GLYATL1: variants seen among roughly 807,000 people sequenced by gnomAD.
GLYATL1 encodes glycine-N-acyltransferase like 1.
In GLYATL1, 15 loss-of-function variants were observed where a neutral mutation model predicts 20.0. That is an observed-to-expected ratio of 0.75 (90% confidence interval 0.50 to 1.15). The LOEUF (loss-of-function observed/expected upper bound fraction) is 1.15, where lower values mean the gene tolerates loss of function less well. Ranked by LOEUF, GLYATL1 falls within the 50% of genes most tolerant of loss-of-function variation. The pLI, the probability that GLYATL1 is intolerant of heterozygous loss-of-function variation, is 0.00. For missense variants in GLYATL1, 380 were observed against 368.5 expected, an observed-to-expected ratio of 1.03 and a Z score of -0.26; for synonymous variants, 151 against 131.5, an observed-to-expected ratio of 1.15 and a Z score of -1.01.
chr11:58,943,664 T>C lies in GLYATL1; in HGVS notation c.-45T>C. On this transcript the variant is annotated splice_region_variant and 5_prime_UTR_variant, in exon 2 of 7. Transcript: ENST00000532726. ...GATCTCTCAGAGTGGCTGAGGATAATAGGTAAGCTCCCTCTCGCATTTTGG... is the reference window on the plus strand; with the variant it reads ...GATCTCTCAGAGTGGCTGAGGATAACAGGTAAGCTCCCTCTCGCATTTTGG... 2 of 1,612,974 alleles carry C rather than the reference T, an allele frequency of 1.2e-6. No homozygotes were observed. Among genetic ancestry groups the C allele is most frequent in the South Asian group, 2.2e-5 (2 of 90,858 alleles).
At chr11:58,948,003 T>C (rs1183558292) in intron 4 of GLYATL1, 38 bp downstream of exon 4, 4 of 1,387,062 alleles carry the variant, frequency 2.9e-6, no homozygotes, top group African/African-American at 1.4e-5. Context: ...GCCAGGCAGG[T>C]CCACAGGGCC....
upstream of GLYATL1, among the ~76,000 whole-genome samples, chr11:58,923,038 G>A (rs1855345698): frequency 1.3e-5 from 2 of 152,188 alleles, no homozygotes; most frequent in Non-Finnish European, 1.5e-5. Flanking sequence ...ATTTTTTAAC[G>A]TGCATTCTAA....
At chr11:58,917,089 C>T (rs1855191993) in intron 1 of GLYATL1, 1 of 152,170 alleles carries the variant, frequency 6.6e-6, no homozygotes, top group Non-Finnish European at 1.5e-5. Context: ...GCCTCTGATC[C>T]TTTTGTTACT....
chr11:58,947,489 C>T, intron 3 of GLYATL1: 1 of 458,094 alleles, frequency 2.2e-6, no homozygotes, highest in Non-Finnish European at 3.9e-6. Flanking sequence ...GTTTCTTTCC[C>T]TTTCTCTGAC....
At chr11:58,941,222 G>T (rs1478487013) in intron 1 of GLYATL1, among the ~76,000 whole-genome samples, 1 of 121,912 alleles carries the variant, frequency 8.2e-6, no homozygotes, top group Non-Finnish European at 1.6e-5. Context: ...CCCAGAGTGT[G>T]ATGTTCCCCT....
intron 1 of GLYATL1, chr11:58,943,239 A>G: frequency 6.7e-7 from 1 of 1,499,314 alleles, no homozygotes; most frequent in Non-Finnish European, 8.8e-7. Context: ...TGCACCTGTA[A>G]CAATACTCCA....
In GLYATL1 at chr11:58,955,822, T is replaced by A; in HGVS notation, c.704T>A (p.Met235Lys). 1 of 1,614,154 alleles carries A rather than the reference T, an allele frequency of 6.2e-7. No individual in the cohort carries two copies. Among genetic ancestry groups the A allele is most frequent in the South Asian group, 1.1e-5 (1 of 91,084 alleles). The change falls in exon 7 of 7, where the codon ATG (methionine) becomes AAG (lysine). Residue 235 changes from methionine (M) to lysine (K), a missense_variant. Met to Lys is a moderately conservative substitution (Grantham distance 95, BLOSUM62 -1). Coordinates refer to ENST00000532726, the MANE Select transcript of GLYATL1 (RefSeq NM_001389712.2). The stretch of plus-strand genomic sequence containing the variant: ...TGTGAAGTAGGAATGGCCTACAGCA[T>A]GGAAAAATACCGAAGGACAGGCAAC... Reference protein sequence around the residue: ...PSCEVGMAYSMEKYRRTGNMA... With the variant: ...PSCEVGMAYSKEKYRRTGNMA...
At chr11:58,953,341 T>C (rs1256001648) in intron 4 of GLYATL1, among the ~76,000 whole-genome samples, 1 of 151,932 alleles carries the variant, frequency 6.6e-6, no homozygotes, top group Non-Finnish European at 1.5e-5. Flanking sequence ...TAGAAGTCTT[T>C]TGTTCTTTTC....
At chr11:58,925,978 A>C (rs373455758), upstream of GLYATL1, among the ~76,000 whole-genome samples, 1 of 152,228 alleles carries the variant, frequency 6.6e-6, no homozygotes, top group East Asian at 1.9e-4. Flanking sequence ...TATAAATGCA[A>C]AAGTTAAAAG....
At chr11:58,937,123 G>T (rs1358309699), upstream of GLYATL1, among the ~76,000 whole-genome samples, 1 of 152,060 alleles carries the variant, frequency 6.6e-6, no homozygotes, top group Non-Finnish European at 1.5e-5. Context: ...TCTGTGTCTT[G>T]CCACCAGCCA....
intron 3 of GLYATL1, 76 bp downstream of exon 3, chr11:58,947,241 G>A: frequency 9.1e-6 from 14 of 1,534,954 alleles, no homozygotes; most frequent in Admixed American, 2.0e-5. Flanking sequence ...TGTGATTCTA[G>A]TCCTTCCTGA....
At chr11:58,947,718 A>G (rs1320594331) in intron 3 of GLYATL1, 140 bp from the exon 4 acceptor site, 1 of 654,208 alleles carries the variant, frequency 1.5e-6, no homozygotes, top group Non-Finnish European at 2.8e-6. Context: ...GGTCCTCTCC[A>G]GGACCATACT....
chr11:58,941,644 A>G (rs914576212), intron 1 of GLYATL1, among the ~76,000 whole-genome samples: 6 of 152,202 alleles, frequency 3.9e-5, no homozygotes, highest in African/African-American at 1.4e-4. Flanking sequence ...GAAGACTTAA[A>G]GAAGGTAATA....
intron 1 of GLYATL1, chr11:58,933,855 G>C (rs1202021194): frequency 6.6e-6 from 1 of 152,444 alleles, no homozygotes; most frequent in Non-Finnish European, 1.5e-5. Flanking sequence ...GGCTGGCCTG[G>C]TGCCTGTGTT....
Position 58,947,156 on chromosome 11 carries a change from G to A in GLYATL1, c.69G>A (p.Glu23=). 6.2e-7 allele frequency: 1 copy of A among 1,613,036 alleles called. No individual in the cohort carries two copies. Among genetic ancestry groups the A allele is most frequent in the Non-Finnish European group, 8.5e-7 (1 of 1,179,088 alleles). Reference sequence around the variant, plus strand: ...AATCCTTGGCCAGGAGCATCCCTGAGTCCCTGAAGGTCAGGGAACAGTGGG... The same window carrying A: ...AATCCTTGGCCAGGAGCATCCCTGAATCCCTGAAGGTCAGGGAACAGTGGG... The part of the protein sequence containing the change: ...LYKSLARSIP[E]SLKVYGSVYH... Residue 23 remains glutamate (E), a synonymous_variant, in exon 3 of 7, where the codon GAG becomes GAA. Coordinates refer to ENST00000532726, the MANE Select transcript of GLYATL1 (RefSeq NM_001389712.2).
chr11:58,941,509 G>T (rs568726666), intron 1 of GLYATL1, among the ~76,000 whole-genome samples: 1 of 152,114 alleles, frequency 6.6e-6, no homozygotes, highest in African/African-American at 2.4e-5. Context: ...ACATACGTGT[G>T]CATGTGTCTT....
intron 1 of GLYATL1, among the ~76,000 whole-genome samples, chr11:58,922,490 C>A (rs1855333050): frequency 6.6e-6 from 1 of 152,148 alleles, no homozygotes; most frequent in African/African-American, 2.4e-5. Flanking sequence ...GCAGCCAGAC[C>A]AGAGATGGCC....
chr11:58,928,533 G>C (rs1002252134), intron 1 of GLYATL1: 1 of 152,216 alleles, frequency 6.6e-6, no homozygotes, highest in Non-Finnish European at 1.5e-5. Context: ...ACCAATTGAG[G>C]TATTGCTTCT....
intron 1 of GLYATL1, among the ~76,000 whole-genome samples, chr11:58,914,396 C>A (rs1351201827): frequency 6.6e-6 from 1 of 152,176 alleles, no homozygotes; most frequent in African/African-American, 2.4e-5. Context: ...ACATGGGAGT[C>A]AGCAGTAGAG....
Sources: allele counts gnomAD v4.1 joint callset (sites outside exome capture counted in the v4.1 genomes callset), GRCh38; gene constraint gnomAD v4.1.1; transcripts MANE v1.5; gene names NCBI Gene and HGNC (gene_info 2026-07-23, HGNC 2026-07-21).